The following EYS variants were observed in gnomAD, a reference collection of about 807,000 sequenced individuals.
EYS encodes the protein EGF-like photoreceptor maintenance factor.
EYS carries 250 observed loss-of-function variants against 282.1 expected under a neutral mutation model. The ratio of observed to expected loss-of-function variants is 0.89; its 90% confidence interval spans 0.80 to 0.98. EYS has a LOEUF of 0.98. Among genes scored for constraint, EYS ranks in the 50% least tolerant of loss-of-function variants. The pLI is 0.00. For missense variants in EYS, 4,016 were observed against 3,709.0 expected, an observed-to-expected ratio of 1.08 and a Z score of -2.15; for synonymous variants, 1,355 against 1,282.9, an observed-to-expected ratio of 1.06 and a Z score of -1.20.
At chr6:64,193,943 T>C (rs1033616501) in intron 31 of EYS, among the ~76,000 whole-genome samples, 1 of 152,220 alleles carries the variant, frequency 6.6e-6, no homozygotes, top group Admixed American at 6.5e-5. Flanking sequence ...GTATTGTGAA[T>C]AGTGCTGCAA....
intron 12 of EYS, among the ~76,000 whole-genome samples, chr6:65,184,774 A>C (rs1280575039): frequency 2.6e-5 from 4 of 151,714 alleles, no homozygotes; most frequent in Non-Finnish European, 5.9e-5. Context: ...TCTGGAAAGC[A>C]ATTTGGCTTC....
At chr6:63,780,082 C>CT (rs1215262835) in intron 39 of EYS, among the ~76,000 whole-genome samples, 1 of 152,074 alleles carries the variant, frequency 6.6e-6, no homozygotes, top group Non-Finnish European at 1.5e-5. Context: ...TGAACTCATC[C>CT]TTTTTTATGG....
At chr6:63,968,991 A>C (rs1014258509) in intron 35 of EYS, among the ~76,000 whole-genome samples, 1 of 152,252 alleles carries the variant, frequency 6.6e-6, no homozygotes, top group East Asian at 1.9e-4. Flanking sequence ...AGCATAATAC[A>C]TCAAAATTGA....
intron 2 of EYS, among the ~76,000 whole-genome samples, chr6:65,566,996 G>A (rs1021540680): frequency 6.6e-6 from 1 of 152,048 alleles, no homozygotes; most frequent in South Asian, 2.1e-4. Context: ...TTACTCCCCA[G>A]TTCAAGTGTT....
chr6:64,198,113 C>T (rs1178884095), intron 31 of EYS, among the ~76,000 whole-genome samples: 3 of 151,854 alleles, frequency 2.0e-5, no homozygotes, highest in African/African-American at 4.8e-5. Flanking sequence ...CTGCCTCAGC[C>T]TCCCAAGTAG....
chr6:64,692,043 A>G (rs1241515273), intron 22 of EYS, among the ~76,000 whole-genome samples: 2 of 152,170 alleles, frequency 1.3e-5, no homozygotes, highest in Admixed American at 1.3e-4. Flanking sequence ...ATTGTATGGT[A>G]GCTCTACTTG....
chr6:65,670,569 T>C (rs929171056), intron 1 of EYS, among the ~76,000 whole-genome samples: 2 of 152,056 alleles, frequency 1.3e-5, no homozygotes, highest in African/African-American at 4.8e-5. Context: ...GGGTTAATCA[T>C]CCAAACTCTA....
chr6:63,769,331 A>T (rs1478224654), intron 40 of EYS, among the ~76,000 whole-genome samples: 4 of 152,030 alleles, frequency 2.6e-5, no homozygotes, highest in Non-Finnish European at 4.4e-5. Context: ...CATAAATTTG[A>T]TGATAGTTCA....
At chr6:65,124,555 CA>C (rs1375767253) in intron 12 of EYS, among the ~76,000 whole-genome samples, 2 of 152,100 alleles carry the variant, frequency 1.3e-5, no homozygotes, top group African/African-American at 4.8e-5. Flanking sequence ...GTCTAATGAA[CA>C]ATATATGCAT....
intron 9 of EYS, among the ~76,000 whole-genome samples, chr6:65,349,315 A>G (rs1770514264): frequency 6.6e-6 from 1 of 151,600 alleles, no homozygotes; most frequent in Admixed American, 6.6e-5. Flanking sequence ...ACTTTTGCAG[A>G]GTACACTTGG....
chr6:64,213,943 T>C (rs960786664), intron 31 of EYS, among the ~76,000 whole-genome samples: 3 of 152,298 alleles, frequency 2.0e-5, no homozygotes, highest in Non-Finnish European at 4.4e-5. Flanking sequence ...TCCAGAGTCA[T>C]ACATTCATCA....
At chr6:65,496,018 C>T (rs1766243654) in intron 2 of EYS, 25 bp from the exon 3 acceptor site, 1 of 152,274 alleles carries the variant, frequency 6.6e-6, no homozygotes, top group East Asian at 1.9e-4. Flanking sequence ...AGAGTAAACA[C>T]CATTTAAACA....
chr6:64,669,506 G>A (rs944144380), intron 22 of EYS, among the ~76,000 whole-genome samples: 6 of 152,102 alleles, frequency 3.9e-5, no homozygotes, highest in South Asian at 4.1e-4. Context: ...GAGAGTACTG[G>A]GGAGAAAAGG....
At chr6:65,516,978 T>C (rs180957333) in intron 2 of EYS, among the ~76,000 whole-genome samples, 1 of 152,138 alleles carries the variant, frequency 6.6e-6, no homozygotes, top group Admixed American at 6.6e-5. Context: ...ATTTTTCCTT[T>C]AAAATGATAA....
Position 64,948,490 on chromosome 6 carries a change from T to C in EYS, c.2260-2576A>G, listed in dbSNP as rs1769369981. Among the ~76,000 whole-genome samples, 4 of 147,026 alleles carry C rather than the reference T, an allele frequency of 2.7e-5. No individual in the cohort carries two copies. The South Asian group carries it at 8.3e-4, about 31-fold the overall frequency. On this transcript the variant is annotated intron_variant, in intron 14 of 42. Coordinates refer to ENST00000503581, the MANE Select transcript of EYS (RefSeq NM_001142800.2). ...ATATTAAATATTAATAACTATTAAATATTTTAATATTAATTATAAAAATAG... is the reference window on the plus strand; with the variant it reads ...ATATTAAATATTAATAACTATTAAACATTTTAATATTAATTATAAAAATAG...
At chr6:65,331,162 A>T in intron 11 of EYS, 1 of 877,650 alleles carries the variant, frequency 1.1e-6, no homozygotes, top group Non-Finnish European at 1.4e-6. Context: ...TATATATAAC[A>T]TGATAATTAG....
chr6:64,854,685 A>G (rs1009722426), intron 19 of EYS, among the ~76,000 whole-genome samples: 10 of 152,128 alleles, frequency 6.6e-5, no homozygotes, highest in Admixed American at 5.2e-4. Context: ...TGGCACATGT[A>G]TACATATGTA....
At chr6:65,214,875 G>A (rs1766272440) in intron 12 of EYS, among the ~76,000 whole-genome samples, 1 of 152,080 alleles carries the variant, frequency 6.6e-6, no homozygotes, top group Non-Finnish European at 1.5e-5. Flanking sequence ...CTCTGCTTGT[G>A]CACTATAAAT....
At chr6:64,201,634 G>A (rs1765461466) in intron 31 of EYS, among the ~76,000 whole-genome samples, 1 of 152,080 alleles carries the variant, frequency 6.6e-6, no homozygotes, top group African/African-American at 2.4e-5. Context: ...CAAAAAGAGT[G>A]AAATAGATGT....
Sources: gnomAD v4.1 joint callset for allele counts (sites outside exome capture counted in the v4.1 genomes callset) on GRCh38, gnomAD v4.1.1 for gene constraint, MANE v1.5 for transcripts, NCBI Gene and HGNC (gene_info 2026-07-23, HGNC 2026-07-21) for gene names.